ZNF428: variants seen among roughly 807,000 people sequenced by gnomAD.
The protein encoded by ZNF428 is enzyme-like protein PIT13.
ZNF428 carries 5 observed loss-of-function variants against 15.6 expected under a neutral mutation model. The ratio of observed to expected loss-of-function variants is 0.32; its 90% CI spans 0.17 to 0.67. The LOEUF is 0.67. ZNF428 is among the 30% of genes least tolerant of loss of function. ZNF428 has a pLI of 0.73. For synonymous variants in ZNF428, 97 were observed against 102.2 expected (o/e 0.95, Z 0.31); for missense variants, 237 against 256.0 (o/e 0.93, Z 0.51).
chr19:43,608,896 C>A (rs1225594308), intron 2 of ZNF428, among the ~76,000 whole-genome samples: 1 of 151,138 alleles, frequency 6.6e-6, no homozygotes, highest in Non-Finnish European at 1.5e-5. Flanking sequence ...CAACTGCACT[C>A]CAGCCTGGGT....
At chr19:43,613,674 A>G in intron 2 of ZNF428, 1 of 1,551,476 alleles carries the variant, frequency 6.4e-7, no homozygotes, top group Non-Finnish European at 8.7e-7. Flanking sequence ...TCCAGCAAAG[A>G]GAGAGATCAC....
In ZNF428 at chr19:43,607,467, G is replaced by T; in HGVS notation, c.*150C>A. ...ACCAACACACACAGATACAGATTTT[G>T]GCTTTTATTCTGGCCATCACACATC... On this transcript the variant is annotated 3_prime_UTR_variant, in exon 3 of 3. Coordinates refer to ENST00000300811, the MANE Select transcript of ZNF428 (RefSeq NM_182498.4). The surrounding 1 kb of genome is among the most constrained non-coding windows in gnomAD (Gnocchi z 5.1). 1.0e-6 allele frequency: 1 copy of T among 957,554 alleles called. No homozygotes were observed. Among genetic ancestry groups the T allele is most frequent in the Non-Finnish European group, 1.5e-6 (1 of 667,014 alleles). The allele number at this position is 957,554 out of a possible 1,614,324, so 59.3% of individuals were successfully genotyped here. A position where few individuals can be genotyped will look rare whatever the true frequency, so the allele number is the denominator to read the frequency against.
chr19:43,607,456 A>G lies in ZNF428; in HGVS notation c.*161T>C. The G allele has an allele frequency of 1.2e-6, 1 of 858,464 alleles. No individual in the cohort carries two copies. Among genetic ancestry groups the G allele is most frequent in the Non-Finnish European group, 1.7e-6 (1 of 576,012 alleles). The allele number at this position is 858,464 out of a possible 1,614,324, so 53.2% of individuals were successfully genotyped here. ...ACACACTCTGAACCAACACACACAG[A>G]TACAGATTTTGGCTTTTATTCTGGC... On this transcript the variant is annotated 3_prime_UTR_variant, in exon 3 of 3. Coordinates refer to ENST00000300811, the MANE Select transcript of ZNF428 (RefSeq NM_182498.4). The surrounding 1 kb of genome is among the most constrained non-coding windows in gnomAD (Gnocchi z 5.1).
At chr19:43,616,758 A>G (rs1973375141) in intron 1 of ZNF428, among the ~76,000 whole-genome samples, 1 of 150,026 alleles carries the variant, frequency 6.7e-6, no homozygotes, top group South Asian at 2.1e-4. Flanking sequence ...AGGCCTTTTC[A>G]CATCTGTGGG....
chr19:43,607,939 GC>G lies in ZNF428; in HGVS notation c.244del (p.Ala82ProfsTer152). The G allele has an allele frequency of 6.3e-7, 1 of 1,580,142 alleles. No individual in the cohort carries two copies. Among genetic ancestry groups the G allele is most frequent in the Non-Finnish European group, 8.6e-7 (1 of 1,163,192 alleles). ...GGGRGGPSRRAPRAAQPPAQP... is the reference protein window; with the variant it reads ...GGGRGGPSRRXPRAAQPPAQP... The stretch of plus-strand genomic sequence containing the variant: ...GGCCGGGGGCTGGGCTGCACGGGGG[GC>G]CCGGCGGGATGGGCCACCACGGCCC... On this transcript the variant is annotated frameshift_variant, in exon 3 of 3. Coordinates refer to ENST00000300811, the MANE Select transcript of ZNF428 (RefSeq NM_182498.4). LOFTEE classifies it high-confidence loss of function. This position sits in a 1 kb window ranked among gnomAD's most constrained non-coding sequence, Gnocchi z 5.1.
At chr19:43,615,328 C>G (rs1439335995) in intron 1 of ZNF428, among the ~76,000 whole-genome samples, 1 of 151,978 alleles carries the variant, frequency 6.6e-6, no homozygotes, top group African/African-American at 2.4e-5. Context: ...TTGCCCAGAG[C>G]TCAAGCAATC....
chr19:43,614,372 T>A lies in ZNF428; in HGVS notation c.-68A>T. On this transcript the variant is annotated 5_prime_UTR_variant, in exon 2 of 3. Coordinates refer to ENST00000300811, the MANE Select transcript of ZNF428 (RefSeq NM_182498.4). The stretch of plus-strand genomic sequence containing the variant: ...AGCAGCGTCCCTCCCCGGCCAGCTC[T>A]CCACAGCCACACCTCCGGCCACAAG... 2.6e-6 allele frequency: 4 copies of A among 1,527,394 alleles called. No homozygotes were observed. Among genetic ancestry groups the A allele is most frequent in the African/African-American group, 1.4e-5 (1 of 72,302 alleles). The allele number at this position is 1,527,394 out of a possible 1,614,324, so 94.6% of individuals were successfully genotyped here. A position where few individuals can be genotyped will look rare whatever the true frequency, so the allele number is the denominator to read the frequency against.
intron 1 of ZNF428, among the ~76,000 whole-genome samples, chr19:43,615,383 C>T (rs1251742181): frequency 6.6e-6 from 1 of 152,034 alleles, no homozygotes; most frequent in Non-Finnish European, 1.5e-5. Flanking sequence ...AGGCGTGAGC[C>T]ACCACACCCG....
intron 2 of ZNF428, chr19:43,613,108 C>G: frequency 6.4e-7 from 1 of 1,551,630 alleles, no homozygotes. Flanking sequence ...TGGGAAGACA[C>G]AGCCAGTCTA....
At chr19:43,615,457 T>C (rs994551722) in intron 1 of ZNF428, among the ~76,000 whole-genome samples, 91 of 151,664 alleles carry the variant, frequency 6.0e-4, no homozygotes, top group African/African-American at 2.1e-3. Context: ...CCCAGCACTT[T>C]GGGAGGCCGA....
At chr19:43,615,407 A>C (rs1973362267) in intron 1 of ZNF428, among the ~76,000 whole-genome samples, 1 of 152,072 alleles carries the variant, frequency 6.6e-6, no homozygotes, top group South Asian at 2.1e-4. Flanking sequence ...TTTTTAAAAA[A>C]ATAAAAATAA....
At chr19:43,618,084 G>C (rs1160736726) in intron 1 of ZNF428, among the ~76,000 whole-genome samples, 1 of 131,946 alleles carries the variant, frequency 7.6e-6, no homozygotes, top group African/African-American at 2.9e-5. Context: ...GCCCAGGCTG[G>C]AGTGCAGTGG....
chr19:43,612,306 C>A lies in ZNF428; in HGVS notation c.76+1923G>T. On this transcript the variant is annotated intron_variant, in intron 2 of 2. Coordinates refer to ENST00000300811, the MANE Select transcript of ZNF428 (RefSeq NM_182498.4). This position sits in a 1 kb window ranked among gnomAD's most constrained non-coding sequence, Gnocchi z 4.2. ...AACTCAGTCATGAGCCCAAGCAGTT[C>A]CAAGTCCACCAAATCGACCAGTACA... The A allele has an allele frequency of 6.4e-7, 1 of 1,551,674 alleles. No homozygotes were observed. Among genetic ancestry groups the A allele is most frequent in the Non-Finnish European group, 8.7e-7 (1 of 1,147,000 alleles).
intron 1 of ZNF428, 136 bp from the exon 2 acceptor site, chr19:43,614,570 G>A: frequency 1.4e-6 from 1 of 716,474 alleles, no homozygotes; most frequent in South Asian, 3.3e-5. Context: ...ACTGTCTACA[G>A]GGTCTTGACT....
chr19:43,613,945 T>C (rs1411292893), intron 2 of ZNF428: 2 of 1,551,646 alleles, frequency 1.3e-6, no homozygotes, highest in Non-Finnish European at 1.7e-6. Context: ...ACAGTCGACC[T>C]AGAGCCTCCA....
chr19:43,612,420 C>G lies in ZNF428; in HGVS notation c.76+1809G>C. The G allele has an allele frequency of 1.3e-6, 2 of 1,550,786 alleles. No homozygotes were observed. The highest frequency in any genetic ancestry group is 2.4e-5 in the East Asian group (1 of 40,908). On this transcript the variant is annotated intron_variant, in intron 2 of 2. Transcript: ENST00000300811. This position sits in a 1 kb window ranked among gnomAD's most constrained non-coding sequence, Gnocchi z 4.2. ...AGCAGGGTGAGCACCGACACCAGGA[C>G]CAGCAAAGCCAGCAAGGCCAGCGAC...
At chr19:43,613,994 A>T (rs374523125) in intron 2 of ZNF428, 1 of 1,551,656 alleles carries the variant, frequency 6.4e-7, no homozygotes, top group Non-Finnish European at 8.7e-7. Flanking sequence ...AACCCCCAGC[A>T]AAGAAGGAAA....
chr19:43,612,106 C>T lies in ZNF428; in HGVS notation c.76+2123G>A. On this transcript the variant is annotated intron_variant, in intron 2 of 2. Coordinates refer to ENST00000300811, the MANE Select transcript of ZNF428 (RefSeq NM_182498.4). The surrounding 1 kb of genome is among the most constrained non-coding windows in gnomAD (Gnocchi z 4.2). ...CTACTGTGACTTCCAGGACCACAAGCCCTTTTGCGCCCACCATGTCTTCAC... is the reference window on the plus strand; with the variant it reads ...CTACTGTGACTTCCAGGACCACAAGTCCTTTTGCGCCCACCATGTCTTCAC... 1 of 1,540,234 alleles carries T rather than the reference C, an allele frequency of 6.5e-7. No individual in the cohort carries two copies. The highest frequency in any genetic ancestry group is 8.8e-7 in the Non-Finnish European group (1 of 1,137,270).
At chr19:43,614,474 A>C (rs1973352148) in intron 1 of ZNF428, 40 bp from the exon 2 acceptor site, 2 of 1,424,732 alleles carry the variant, frequency 1.4e-6, no homozygotes, top group East Asian at 2.5e-5. Context: ...TGATTCAATA[A>C]ATTTTTACAT....
Sources: allele counts gnomAD v4.1 joint callset (sites outside exome capture counted in the v4.1 genomes callset), GRCh38; gene constraint gnomAD v4.1.1; non-coding constraint Gnocchi (gnomAD v3.1); transcripts MANE v1.5; gene names NCBI Gene and HGNC (gene_info 2026-07-23, HGNC 2026-07-21).